Variants in LACTB2 observed in about 807,000 individuals in gnomAD.
LACTB2 encodes endoribonuclease LACTB2.
In LACTB2, 32 loss-of-function variants were observed where a neutral mutation model predicts 34.8. That is an observed-to-expected ratio of 0.92 (90% CI 0.69 to 1.24). The LOEUF (loss-of-function observed/expected upper bound fraction) is 1.24. Ranked by LOEUF, LACTB2 falls within the 50% of genes most tolerant of loss-of-function variation. The probability of loss-of-function intolerance (pLI) is 0.00; values close to 1 mark genes in which losing one functional copy is unlikely to be tolerated. For missense variants in LACTB2, 320 were observed against 345.0 expected, an observed-to-expected ratio of 0.93 and a Z score of 0.57; for synonymous variants, 120 against 117.5, an observed-to-expected ratio of 1.02 and a Z score of -0.14.
In LACTB2 at chr8:70,637,645, G is replaced by A; in HGVS notation, c.*215C>T. ...TAAACTATTAGATTATGAATTTTTG[G>A]TAAAACGTTAGAAGACAAGGTTAGA... is the stretch of plus-strand genomic sequence containing the variant. On this transcript the variant is annotated 3_prime_UTR_variant, in exon 7 of 7. Coordinates refer to ENST00000276590, the MANE Select transcript of LACTB2 (RefSeq NM_016027.3). The A allele has an allele frequency of 3.1e-6, 1 of 321,070 alleles. No individual in the cohort carries two copies. The highest frequency in any genetic ancestry group is 4.9e-5 in the Admixed American group (1 of 20,476). 19.9% of individuals were successfully genotyped at this position (321,070 alleles called of 1,614,324 possible).
intron 5 of LACTB2, among the ~76,000 whole-genome samples, chr8:70,640,068 C>T (rs1818176564): frequency 6.6e-6 from 1 of 152,160 alleles, no homozygotes; most frequent in Non-Finnish European, 1.5e-5. Context: ...TCATGTGATC[C>T]TCCCATCTCA....
chr8:70,643,945 G>T, intron 4 of LACTB2, 120 bp downstream of exon 4: 1 of 1,020,834 alleles, frequency 9.8e-7, no homozygotes, highest in Non-Finnish European at 1.3e-6. Context: ...CCAGCGCTTT[G>T]GGAGGTTGAG....
intron 1 of LACTB2, 133 bp from the exon 2 acceptor site, chr8:70,662,030 C>T (rs918629826): frequency 2.9e-6 from 2 of 700,630 alleles, no homozygotes; most frequent in Non-Finnish European, 4.5e-6. Flanking sequence ...AAACCAGCTA[C>T]ATCACTTCAG....
chr8:70,650,735 C>CAAAAAAACACAACA (rs1818329053), intron 3 of LACTB2, among the ~76,000 whole-genome samples: 1 of 46,206 alleles, frequency 2.2e-5, no homozygotes, highest in Non-Finnish European at 3.7e-5. Context: ...GACTCCATCT[C>CAAAAAAACACAACA]AAAAAAAAAA....
At chr8:70,667,167 G>A (rs1417052228) in intron 1 of LACTB2, among the ~76,000 whole-genome samples, 1 of 152,188 alleles carries the variant, frequency 6.6e-6, no homozygotes, top group East Asian at 1.9e-4. Flanking sequence ...AGCTCAAGAG[G>A]TAATAGGAAA....
intron 5 of LACTB2, 82 bp downstream of exon 5, chr8:70,640,820 A>C: frequency 1.5e-6 from 2 of 1,333,868 alleles, no homozygotes; most frequent in South Asian, 3.7e-5. Context: ...TCTGGGATAT[A>C]AGTTTATCAT....
chr8:70,666,012 T>C (rs10504480), intron 1 of LACTB2, among the ~76,000 whole-genome samples: 48,631 of 152,010 alleles, frequency 0.32, 9,153 homozygotes, highest in Non-Finnish European at 0.43. Context: ...TGAAATTCAT[T>C]TGGCTTCCAT....
rs190986129 is a variant in LACTB2, at chr8:70,661,633, A to G, written c.286+101T>C. 5.2e-5 allele frequency: 50 copies of G among 968,264 alleles called. 2 individuals are homozygous for G. In the East Asian group the frequency reaches 1.2e-3, roughly 24 times the overall value. 60.0% of individuals were successfully genotyped at this position (968,264 alleles called of 1,614,324 possible). On this transcript the variant is annotated intron_variant, in intron 2 of 6. Transcript: ENST00000276590. ...TAAAAGTACCATTTAAAACTGAGGT[A>G]TTTAGTAAATGGTTTATAGACTACT...
chr8:70,645,205 T>G (rs1818247993), intron 3 of LACTB2, among the ~76,000 whole-genome samples: 1 of 152,172 alleles, frequency 6.6e-6, no homozygotes, highest in Non-Finnish European at 1.5e-5. Flanking sequence ...AGCCTCAACC[T>G]CCTGGGCTCA....
At chr8:70,655,559 A>T (rs1818400416) in intron 3 of LACTB2, among the ~76,000 whole-genome samples, 1 of 152,056 alleles carries the variant, frequency 6.6e-6, no homozygotes, top group African/African-American at 2.4e-5. Flanking sequence ...GTAGTATTCC[A>T]TCATATATAT....
In LACTB2 at chr8:70,668,418, A is replaced by G. The variant is rs530620067; in HGVS notation, c.122+581T>C. On this transcript the variant is annotated intron_variant, in intron 1 of 6. Transcript: ENST00000276590. ...ATACAGGTGTGTTACTGTGTCTGCA[A>G]ATTAAACTCAAACAAGGTCACACAC... 3.3e-5 allele frequency among the ~76,000 whole-genome samples: 5 copies of G among 152,328 alleles called. No individual in the cohort carries two copies. The South Asian group carries it at 8.3e-4, about 25-fold the overall frequency.
chr8:70,648,240 T>G (rs1200448819), intron 3 of LACTB2, among the ~76,000 whole-genome samples: 2 of 152,116 alleles, frequency 1.3e-5, no homozygotes, highest in Admixed American at 6.6e-5. Context: ...AGAACACAAT[T>G]AGTAAACATC....
chr8:70,661,650 T>C (rs1442851508), intron 2 of LACTB2, 84 bp downstream of exon 2: 2 of 1,213,128 alleles, frequency 1.6e-6, no homozygotes, highest in Non-Finnish European at 2.3e-6. Flanking sequence ...AAATGGTTTA[T>C]AGACTACTTA....
intron 1 of LACTB2, 134 bp from the exon 2 acceptor site, chr8:70,662,031 A>G: frequency 1.4e-6 from 1 of 694,774 alleles, no homozygotes; most frequent in Non-Finnish European, 2.3e-6. Flanking sequence ...AACCAGCTAC[A>G]TCACTTCAGC....
chr8:70,661,052 T>C (rs1312395644), intron 2 of LACTB2: 8 of 453,910 alleles, frequency 1.8e-5, no homozygotes, highest in Non-Finnish European at 2.7e-5. Context: ...AGTGCTGGGA[T>C]TACAGGCATG....
chr8:70,644,725 C>T (rs1177355392), intron 3 of LACTB2, among the ~76,000 whole-genome samples: 1 of 152,140 alleles, frequency 6.6e-6, no homozygotes, highest in African/African-American at 2.4e-5. Flanking sequence ...AGCAATCCTA[C>T]CACCTCGGCC....
At chr8:70,649,098 A>G (rs1300931890) in intron 3 of LACTB2, among the ~76,000 whole-genome samples, 1 of 152,232 alleles carries the variant, frequency 6.6e-6, no homozygotes, top group East Asian at 1.9e-4. Flanking sequence ...TGAAAAAAGG[A>G]TACTTTCAGA....
At chr8:70,668,267 C>T (rs1051482721) in intron 1 of LACTB2, among the ~76,000 whole-genome samples, 2 of 152,168 alleles carry the variant, frequency 1.3e-5, no homozygotes, top group African/African-American at 4.8e-5. Context: ...CTGGGTTCAT[C>T]CAGTAAAGAC....
chr8:70,646,535 CAG>C (rs1469998421), intron 3 of LACTB2: 1 of 152,092 alleles, frequency 6.6e-6, no homozygotes, highest in African/African-American at 2.4e-5. Flanking sequence ...CATTTTAAGA[CAG>C]AGCCGTTTTT....
Sources: allele counts gnomAD v4.1 joint callset (sites outside exome capture counted in the v4.1 genomes callset), GRCh38; gene constraint gnomAD v4.1.1; transcripts MANE v1.5; gene names NCBI Gene and HGNC (gene_info 2026-07-23, HGNC 2026-07-21).